DLGAP2: variants seen among roughly 807,000 people sequenced by gnomAD.
DLGAP2 encodes disks large-associated protein 2.
In DLGAP2, 26 loss-of-function variants were observed where a neutral mutation model predicts 100.3. The ratio of observed to expected loss-of-function variants is 0.26; its 90% CI spans 0.19 to 0.36. The LOEUF is 0.36. Among genes scored for constraint, DLGAP2 ranks in the 10% least tolerant of loss-of-function variants. DLGAP2 has a pLI of 1.00. For missense variants in DLGAP2, 1,858 were observed against 1,453.2 expected, an observed-to-expected ratio of 1.28 and a Z score of -4.53; for synonymous variants, 886 against 630.1, an observed-to-expected ratio of 1.41 and a Z score of -6.08.
At chr8:1,078,619 T>G (rs541961501) in intron 2 of DLGAP2, among the ~76,000 whole-genome samples, 93 of 152,324 alleles carry the variant, frequency 6.1e-4, no homozygotes, top group Non-Finnish European at 1.2e-3. Context: ...TCTTCATAGT[T>G]TTTTCTTTTC....
At chr8:1,519,468 A>G (rs6558477) in intron 4 of DLGAP2, among the ~76,000 whole-genome samples, 107,753 of 152,084 alleles carry the variant, frequency 0.71, 38,745 homozygotes, top group South Asian at 0.82. Flanking sequence ...ATAGAATATG[A>G]AACTGATAAA....
At chr8:927,173 G>A in intron 2 of DLGAP2, 10 of 985,416 alleles carry the variant, frequency 1.0e-5, no homozygotes, top group Non-Finnish European at 1.2e-5. Flanking sequence ...TGTCAGATGG[G>A]GAGTGTTCAG....
intron 3 of DLGAP2, among the ~76,000 whole-genome samples, chr8:1,484,913 G>A (rs551211385): frequency 1.1e-4 from 16 of 152,220 alleles, no homozygotes; most frequent in African/African-American, 2.9e-4. Context: ...CTGCTCTGCC[G>A]TCTCCTTTGC....
At chr8:1,686,667 C>T (rs887333940) in intron 12 of DLGAP2, among the ~76,000 whole-genome samples, 55 of 147,404 alleles carry the variant, frequency 3.7e-4, no homozygotes, top group Admixed American at 1.3e-3. Flanking sequence ...AGAGGGAGAC[C>T]CCATCCAAAA....
chr8:1,590,045 A>C (rs1210156603), intron 6 of DLGAP2, among the ~76,000 whole-genome samples: 2 of 152,132 alleles, frequency 1.3e-5, no homozygotes, highest in African/African-American at 4.8e-5. Context: ...CTAGGGGAGG[A>C]TCCCTCCTTC....
chr8:1,376,401 A>G (rs909320799), intron 3 of DLGAP2, among the ~76,000 whole-genome samples: 2 of 152,184 alleles, frequency 1.3e-5, no homozygotes, highest in Non-Finnish European at 2.9e-5. Flanking sequence ...TTCCTTGAAA[A>G]GCGCCCCGCT....
At chr8:903,256 C>T (rs1468975652) in intron 1 of DLGAP2, among the ~76,000 whole-genome samples, 1 of 151,998 alleles carries the variant, frequency 6.6e-6, no homozygotes, top group African/African-American at 2.4e-5. Flanking sequence ...AGCTACTCAG[C>T]AGGTTGGGGA....
At chr8:1,051,173 C>A (rs1372906369) in intron 2 of DLGAP2, among the ~76,000 whole-genome samples, 2 of 152,024 alleles carry the variant, frequency 1.3e-5, no homozygotes, top group Non-Finnish European at 1.5e-5. Flanking sequence ...TCTTCCTGGG[C>A]AACATTGTCA....
At chr8:1,192,934 G>C (rs967380084) in intron 2 of DLGAP2, among the ~76,000 whole-genome samples, 1 of 150,478 alleles carries the variant, frequency 6.6e-6, no homozygotes, top group Non-Finnish European at 1.5e-5. Flanking sequence ...TTGGTTTTTT[G>C]TCCTTGTGAT....
At chr8:1,658,255 G>A (rs756225716) in intron 8 of DLGAP2, among the ~76,000 whole-genome samples, 20 of 152,188 alleles carry the variant, frequency 1.3e-4, no homozygotes, top group Admixed American at 1.3e-4. Flanking sequence ...GCAAAAGCGA[G>A]CAGGAGATGC....
intron 2 of DLGAP2, among the ~76,000 whole-genome samples, chr8:1,200,942 C>T (rs542258754): frequency 4.6e-5 from 7 of 152,298 alleles, no homozygotes; most frequent in African/African-American, 1.7e-4. Context: ...GCTCCAGGAG[C>T]GTGTTGTGCA....
At chr8:1,674,325 A>C (rs1483021508) in intron 10 of DLGAP2, among the ~76,000 whole-genome samples, 1 of 152,202 alleles carries the variant, frequency 6.6e-6, no homozygotes. Context: ...GATTACAGGC[A>C]TGAGCCACCA....
intron 2 of DLGAP2, among the ~76,000 whole-genome samples, chr8:988,206 T>C (rs1255906367): frequency 2.0e-5 from 3 of 152,196 alleles, no homozygotes; most frequent in Non-Finnish European, 2.9e-5. Context: ...TAGTACCCTT[T>C]AGTATTCAGA....
intron 1 of DLGAP2, among the ~76,000 whole-genome samples, chr8:865,173 G>C (rs1797471091): frequency 6.6e-6 from 1 of 152,208 alleles, no homozygotes; most frequent in Admixed American, 6.5e-5. Flanking sequence ...AGGACGACGG[G>C]TGCCCTCGCT....
At chr8:747,556 G>T in intron 1 of DLGAP2, among the ~76,000 whole-genome samples, 1 of 145,350 alleles carries the variant, frequency 6.9e-6, no homozygotes, top group Non-Finnish European at 1.5e-5. Flanking sequence ...GGCGCAGGGC[G>T]GGGGTGGGGG....
At chr8:1,572,212 G>C (rs1354870308) in intron 6 of DLGAP2, among the ~76,000 whole-genome samples, 1 of 134,768 alleles carries the variant, frequency 7.4e-6, no homozygotes, top group Non-Finnish European at 1.6e-5. Flanking sequence ...TGAACTGTGG[G>C]GGCATCTGAT....
chr8:1,069,683 A>G (rs1803368871), intron 2 of DLGAP2, among the ~76,000 whole-genome samples: 1 of 152,202 alleles, frequency 6.6e-6, no homozygotes, highest in Non-Finnish European at 1.5e-5. Context: ...ACTTAATATG[A>G]TATTATAATG....
At chr8:850,336 G>A (rs557122904) in intron 1 of DLGAP2, among the ~76,000 whole-genome samples, 58 of 152,186 alleles carry the variant, frequency 3.8e-4, no homozygotes, top group African/African-American at 1.4e-3. Context: ...TCCACCTGTT[G>A]CTACAAGTTA....
At chr8:980,577 C>T (rs1032229564) in intron 2 of DLGAP2, among the ~76,000 whole-genome samples, 1 of 152,180 alleles carries the variant, frequency 6.6e-6, no homozygotes, top group African/African-American at 2.4e-5. Flanking sequence ...GGTTGTGAAA[C>T]ACGTGCTGTG....
Sources: allele counts gnomAD v4.1 joint callset (sites outside exome capture counted in the v4.1 genomes callset), GRCh38; gene constraint gnomAD v4.1.1; transcripts MANE v1.5; gene names NCBI Gene and HGNC (gene_info 2026-07-23, HGNC 2026-07-21).